Variants in CLSTN2 observed in about 807,000 individuals in gnomAD.
The protein encoded by CLSTN2 is calsyntenin-2.
A neutral mutation model predicts 101.2 loss-of-function variants in CLSTN2; 48 were observed. That is an observed-to-expected ratio of 0.47 (90% CI 0.38 to 0.60). The LOEUF is 0.60. Ranked by LOEUF, CLSTN2 falls within the 20% of genes least tolerant of loss-of-function variation. CLSTN2 has a pLI of 0.00. For missense variants in CLSTN2, 1,160 were observed against 1,238.2 expected (o/e 0.94, Z 0.95); for synonymous variants, 481 against 463.6 (o/e 1.04, Z -0.48).
chr3:140,310,585 G>T (rs1012978431), intron 2 of CLSTN2, among the ~76,000 whole-genome samples: 8 of 152,256 alleles, frequency 5.3e-5, no homozygotes, highest in Admixed American at 4.6e-4. Flanking sequence ...CAGTCAGGGT[G>T]CTTAGCTCAC....
intron 1 of CLSTN2, among the ~76,000 whole-genome samples, chr3:140,109,875 T>TCCTCTCTTAGTA (rs2107794066): frequency 6.6e-6 from 1 of 152,278 alleles, no homozygotes; most frequent in African/African-American, 2.4e-5. Flanking sequence ...TTAGTACAAG[T>TCCTCTCTTAGTA]CATGCTCCTC....
At chr3:140,318,371 G>T (rs2107921885) in intron 2 of CLSTN2, among the ~76,000 whole-genome samples, 1 of 152,174 alleles carries the variant, frequency 6.6e-6, no homozygotes, top group East Asian at 1.9e-4. Flanking sequence ...GATAGGGTCA[G>T]GTTCAGTAAA....
intron 2 of CLSTN2, among the ~76,000 whole-genome samples, chr3:140,196,903 A>G (rs980245049): frequency 9.9e-5 from 15 of 152,202 alleles, no homozygotes; most frequent in Admixed American, 2.0e-4. Flanking sequence ...CAAATCTTGA[A>G]ATTTTCAGAG....
At chr3:140,089,391 A>C (rs2008737464) in intron 1 of CLSTN2, among the ~76,000 whole-genome samples, 1 of 152,114 alleles carries the variant, frequency 6.6e-6, no homozygotes, top group Admixed American at 6.5e-5. Context: ...TGGCTCCCTC[A>C]GTGCAGCCTT....
At position 140,017,100 on chromosome 3, in the gene CLSTN2, G is replaced by C. The variant is rs115433571; in HGVS notation, c.109+81617G>C. ...AAAGCTGTCTTTCAGTTACATGCCT[G>C]TGGTGTGTCCTGGTCCCATGTAGTT... On this transcript the variant is annotated intron_variant, in intron 1 of 16. Coordinates refer to ENST00000458420, the MANE Select transcript of CLSTN2 (RefSeq NM_022131.3). Among the ~76,000 whole-genome samples the C allele has an allele frequency of 2.1e-3, 322 of 152,296 alleles. 1 individual carries two copies. Among genetic ancestry groups the C allele is most frequent in the African/African-American group, 7.6e-3 (314 of 41,556 alleles).
At chr3:140,251,649 TCCCC>T (rs1426479983) in intron 2 of CLSTN2, among the ~76,000 whole-genome samples, 175 of 150,688 alleles carry the variant, frequency 1.2e-3, no homozygotes, top group South Asian at 2.5e-3. Context: ...TCTTTTTGCT[TCCCC>T]TCCTTCCCTT....
intron 1 of CLSTN2, among the ~76,000 whole-genome samples, chr3:140,093,092 G>A (rs1199928715): frequency 1.3e-5 from 2 of 152,174 alleles, no homozygotes; most frequent in Non-Finnish European, 2.9e-5. Context: ...TGGACAGAGA[G>A]AGAGAAGGTG....
Position 139,973,707 on chromosome 3 carries a change from C to T in CLSTN2, c.109+38224C>T, listed in dbSNP as rs555424092. 7.4e-4 allele frequency among the ~76,000 whole-genome samples: 112 copies of T among 152,224 alleles called. 1 individual carries two copies. Among genetic ancestry groups the T allele is most frequent in the Non-Finnish European group, 9.1e-4 (62 of 67,998 alleles). ...AGGCCAGAGTACAGTGGTACAATCA[C>T]GGCTCATTGCAGCCTTGACTACCTG... On this transcript the variant is annotated intron_variant, in intron 1 of 16. Transcript: ENST00000458420.
intron 2 of CLSTN2, among the ~76,000 whole-genome samples, chr3:140,176,969 G>A (rs2010334982): frequency 6.6e-6 from 1 of 152,158 alleles, no homozygotes; most frequent in African/African-American, 2.4e-5. Context: ...AGCTGCTTGG[G>A]CAGAGAAAAG....
At chr3:140,543,493 G>T (rs1358489381) in intron 9 of CLSTN2, among the ~76,000 whole-genome samples, 1 of 152,170 alleles carries the variant, frequency 6.6e-6, no homozygotes, top group Non-Finnish European at 1.5e-5. Context: ...GTTTTGGGTG[G>T]CAAGTAACAA....
intron 1 of CLSTN2, among the ~76,000 whole-genome samples, chr3:140,102,783 T>C (rs2008989138): frequency 6.6e-6 from 1 of 152,072 alleles, no homozygotes; most frequent in South Asian, 2.1e-4. Flanking sequence ...AAACACAGAA[T>C]AGTTACATGA....
chr3:140,240,587 C>T (rs1293748147), intron 2 of CLSTN2, among the ~76,000 whole-genome samples: 1 of 152,014 alleles, frequency 6.6e-6, no homozygotes, highest in African/African-American at 2.4e-5. Flanking sequence ...AACATTTATA[C>T]AGGTGTAAAG....
chr3:140,490,105 TATATATATATATACACACAC>T (rs1934320877), intron 8 of CLSTN2, among the ~76,000 whole-genome samples: 1 of 6,978 alleles, frequency 1.4e-4, no homozygotes, highest in Non-Finnish European at 2.3e-4. Flanking sequence ...TATATATATA[TATATATATATATACACACAC>T]ACACACACAC....
chr3:139,971,516 G>A (rs912487387), intron 1 of CLSTN2, among the ~76,000 whole-genome samples: 9 of 152,226 alleles, frequency 5.9e-5, no homozygotes, highest in Non-Finnish European at 1.3e-4. Context: ...AGAATGCAGA[G>A]CATTGCAGAC....
chr3:140,044,080 C>G (rs1474220125), intron 1 of CLSTN2, among the ~76,000 whole-genome samples: 1 of 152,080 alleles, frequency 6.6e-6, no homozygotes, highest in East Asian at 1.9e-4. Flanking sequence ...TCATTGGTAG[C>G]TTGATGGGGA....
rs1186837576 is a variant in CLSTN2 at position 139,968,199 on chromosome 3, C to T, written c.109+32716C>T. Reference sequence around the variant, plus strand: ...AGAGGCCACAGAATAAACTGGAAGCCAGAATTAACCAGAATTCCAGAGTTC... The same window carrying T: ...AGAGGCCACAGAATAAACTGGAAGCTAGAATTAACCAGAATTCCAGAGTTC... On this transcript the variant is annotated intron_variant, in intron 1 of 16. Transcript: ENST00000458420. 5.3e-5 allele frequency among the ~76,000 whole-genome samples: 8 copies of T among 152,108 alleles called. No individual in the cohort carries two copies. The East Asian group carries it at 1.5e-3, about 29-fold the overall frequency.
intron 1 of CLSTN2, among the ~76,000 whole-genome samples, chr3:140,083,448 A>C (rs927827081): frequency 6.6e-6 from 1 of 152,248 alleles, no homozygotes; most frequent in Non-Finnish European, 1.5e-5. Flanking sequence ...GAATGAATTA[A>C]TGATTGGTTG....
intron 2 of CLSTN2, among the ~76,000 whole-genome samples, chr3:140,364,920 A>G (rs1424094417): frequency 6.6e-6 from 1 of 152,192 alleles, no homozygotes; most frequent in Non-Finnish European, 1.5e-5. Flanking sequence ...ACAGAATGTA[A>G]TGGTCCAAAG....
chr3:140,364,050 T>G (rs2087758643), intron 2 of CLSTN2, among the ~76,000 whole-genome samples: 1 of 152,218 alleles, frequency 6.6e-6, no homozygotes, highest in Admixed American at 6.5e-5. Flanking sequence ...GGTGTTACTC[T>G]AAGGTCCTTC....
Sources: allele counts gnomAD v4.1 joint callset (sites outside exome capture counted in the v4.1 genomes callset), GRCh38; gene constraint gnomAD v4.1.1; transcripts MANE v1.5; gene names NCBI Gene and HGNC (gene_info 2026-07-23, HGNC 2026-07-21).